The following SYNPR variants were observed in gnomAD, a reference collection of about 807,000 sequenced individuals.
SYNPR encodes synaptoporin.
Under a neutral mutation model 32.9 loss-of-function variants are expected in SYNPR, and 23 were observed. The ratio of observed to expected loss-of-function variants is 0.70; its 90% CI spans 0.50 to 0.99. The LOEUF is 0.99. SYNPR is among the 50% of genes least tolerant of loss of function. SYNPR has a pLI of 0.00. For missense variants in SYNPR, 318 were observed against 349.3 expected (o/e 0.91, Z 0.71); for synonymous variants, 146 against 135.9 (o/e 1.07, Z -0.52).
intron 2 of SYNPR, among the ~76,000 whole-genome samples, chr3:63,287,819 T>G (rs769020042): frequency 1.8e-4 from 27 of 152,148 alleles, no homozygotes; most frequent in Non-Finnish European, 3.7e-4. Flanking sequence ...GTAAGTCACA[T>G]AGGCACCGCT....
At chr3:63,419,001 C>T (rs2088575270) in intron 2 of SYNPR, among the ~76,000 whole-genome samples, 2 of 152,184 alleles carry the variant, frequency 1.3e-5, no homozygotes, top group African/African-American at 2.4e-5. Context: ...TAGAGGGCAA[C>T]ATTTATGTGA....
At chr3:63,201,616 G>A in the SYNPR span, among the ~76,000 whole-genome samples, 5 of 152,012 alleles carry the variant, frequency 3.3e-5, no homozygotes, top group Non-Finnish European at 5.9e-5. Context: ...GATACTTGAT[G>A]GAAGGGAAGG....
intron 2 of SYNPR, among the ~76,000 whole-genome samples, chr3:63,400,533 T>C (rs2088277117): frequency 6.6e-6 from 1 of 152,190 alleles, no homozygotes; most frequent in Non-Finnish European, 1.5e-5. Context: ...CCTCAAAACA[T>C]GGCAGCTGAT....
chr3:63,331,303 A>G (rs1385201138), intron 2 of SYNPR, among the ~76,000 whole-genome samples: 1 of 152,186 alleles, frequency 6.6e-6, no homozygotes, highest in Non-Finnish European at 1.5e-5. Flanking sequence ...TGGGACTATC[A>G]TTTCAGAATT....
Position 63,278,403 on chromosome 3 carries a change from C to A in SYNPR, c.-131C>A. On this transcript the variant is annotated 5_prime_UTR_variant, in exon 1 of 6. Coordinates refer to ENST00000478300, the MANE Select transcript of SYNPR (RefSeq NM_001130003.2). ...TGGGCTCCCCGAGGCCCCCTGCCCTCGCCGGGCTGCTCCAGGGTGTCGCTC... is the reference window on the plus strand; with the variant it reads ...TGGGCTCCCCGAGGCCCCCTGCCCTAGCCGGGCTGCTCCAGGGTGTCGCTC... 4 of 1,248,756 alleles carry A rather than the reference C, an allele frequency of 3.2e-6. No individual in the cohort carries two copies. The highest frequency in any genetic ancestry group is 3.3e-6 in the Non-Finnish European group (3 of 919,730). The allele number at this position is 1,248,756 out of a possible 1,614,324, so 77.4% of individuals were successfully genotyped here.
At position 63,608,595 on chromosome 3, in the gene SYNPR, CGAATGAAT is replaced by C. The variant is rs71099710; in HGVS notation, c.409-515_409-508del. ...CACATTGGTTTGTTAAGTGAACAAA[CGAATGAAT>C]GAATGAATGAATGAGTGAACATTGC... is the stretch of plus-strand genomic sequence containing the variant. On this transcript the variant is annotated intron_variant, in intron 4 of 5. Transcript: ENST00000478300. 4.6e-5 allele frequency among the ~76,000 whole-genome samples: 7 copies of C among 152,022 alleles called. No individual in the cohort carries two copies. In the East Asian group the frequency reaches 7.7e-4, roughly 17 times the overall value.
At chr3:63,544,834 C>A (rs1301367083) in intron 3 of SYNPR, among the ~76,000 whole-genome samples, 1 of 151,968 alleles carries the variant, frequency 6.6e-6, no homozygotes. Flanking sequence ...CATTCACGCA[C>A]CATGACAAGT....
At chr3:63,559,829 T>C (rs6765670) in intron 4 of SYNPR, among the ~76,000 whole-genome samples, 87,434 of 151,800 alleles carry the variant, frequency 0.58, 26,201 homozygotes, top group African/African-American at 0.75. Context: ...TAAGAGATTG[T>C]AATGCATATA....
At chr3:63,331,519 CCT>C (rs2087229329) in intron 2 of SYNPR, among the ~76,000 whole-genome samples, 2 of 152,038 alleles carry the variant, frequency 1.3e-5, no homozygotes, top group East Asian at 3.9e-4. Context: ...ATACCATAAC[CCT>C]CTCTTCTTAA....
At chr3:63,347,138 T>C (rs1419389040) in intron 2 of SYNPR, among the ~76,000 whole-genome samples, 1 of 152,214 alleles carries the variant, frequency 6.6e-6, no homozygotes, top group Non-Finnish European at 1.5e-5. Flanking sequence ...TTCACCTAGT[T>C]TATATCAATT....
Position 63,257,930 on chromosome 3 carries a change from T to TA in SYNPR, n.154+5350dup, listed in dbSNP as rs200322665. ...CAGGGGTTGCAATCCTAATCTCTGA[T>TA]AAAAAACATACTTTAAACCAACAAA... On this transcript the variant is annotated intron_variant and non_coding_transcript_variant, in intron 2 of 4. Coordinates refer to the SYNPR transcript ENST00000478456. 8.3e-3 allele frequency among the ~76,000 whole-genome samples: 1,261 copies of TA among 152,118 alleles called. 11 individuals are homozygous for TA. The highest frequency in any genetic ancestry group is 0.026 in the African/African-American group (1,089 of 41,482).
rs1364009824 is a variant in SYNPR at position 63,616,214 on chromosome 3, C to T, written c.*733C>T. 6.6e-6 allele frequency: 1 copy of T among 152,182 alleles called. No homozygotes were observed. The highest frequency in any genetic ancestry group is 1.5e-5 in the Non-Finnish European group (1 of 68,024). The allele number at this position is 152,182 out of a possible 1,614,324, so 9.4% of individuals were successfully genotyped here. A position where few individuals can be genotyped will look rare whatever the true frequency, so the allele number is the denominator to read the frequency against. ...GTTTTTCTTTTCCCCCATTAGTAAACATTTAGTGCTACATATGATAACTGC... is the reference window on the plus strand; with the variant it reads ...GTTTTTCTTTTCCCCCATTAGTAAATATTTAGTGCTACATATGATAACTGC... On this transcript the variant is annotated 3_prime_UTR_variant, in exon 6 of 6. Coordinates refer to ENST00000478300, the MANE Select transcript of SYNPR (RefSeq NM_001130003.2).
chr3:63,371,587 C>T (rs1485514058), intron 2 of SYNPR, among the ~76,000 whole-genome samples: 3 of 152,194 alleles, frequency 2.0e-5, no homozygotes, highest in Non-Finnish European at 4.4e-5. Flanking sequence ...GCCCTGCAGC[C>T]CTAATTGCTG....
Position 63,228,579 on chromosome 3 carries a change from G to A in SYNPR, n.66+199G>A, listed in dbSNP as rs573432943. ...CAGATAGTTTCTACCTTTCTCCTTA[G>A]CTGTATTCTTCTTCATTTATTTTCT... On this transcript the variant is annotated intron_variant and non_coding_transcript_variant, in intron 1 of 4. Coordinates refer to the SYNPR transcript ENST00000478456. 1.8e-3 allele frequency among the ~76,000 whole-genome samples: 276 copies of A among 152,000 alleles called. 1 individual carries two copies. The highest frequency in any genetic ancestry group is 6.3e-3 in the African/African-American group (261 of 41,456).
At chr3:63,277,405 A>G (rs2086587043), upstream of SYNPR, among the ~76,000 whole-genome samples, 1 of 152,176 alleles carries the variant, frequency 6.6e-6, no homozygotes, top group Non-Finnish European at 1.5e-5. Flanking sequence ...AACAACGTGA[A>G]CCACCTTTCA....
intron 4 of SYNPR, among the ~76,000 whole-genome samples, chr3:63,574,822 T>C (rs1702950206): frequency 6.6e-6 from 1 of 152,110 alleles, no homozygotes; most frequent in Admixed American, 6.6e-5. Context: ...GGGGTAGAGA[T>C]AGATAGATAA....
At chr3:63,377,740 T>C (rs1034290076) in intron 2 of SYNPR, among the ~76,000 whole-genome samples, 11 of 152,010 alleles carry the variant, frequency 7.2e-5, no homozygotes, top group African/African-American at 2.7e-4. Context: ...CACTGTAGAG[T>C]TATTCAGAAT....
chr3:63,408,570 T>A (rs749245197), intron 2 of SYNPR, among the ~76,000 whole-genome samples: 6 of 152,068 alleles, frequency 3.9e-5, no homozygotes, highest in Non-Finnish European at 4.4e-5. Flanking sequence ...CTGAGAAACT[T>A]GTGGCCTGCT....
At chr3:63,443,275 T>G in intron 2 of SYNPR, 2 of 1,444,110 alleles carry the variant, frequency 1.4e-6, no homozygotes, top group Non-Finnish European at 1.8e-6. Context: ...TGCTATCTGA[T>G]TGGTATAACA....
Sources: allele counts gnomAD v4.1 joint callset (sites outside exome capture counted in the v4.1 genomes callset), GRCh38; gene constraint gnomAD v4.1.1; transcripts MANE v1.5; gene names NCBI Gene and HGNC (gene_info 2026-07-23, HGNC 2026-07-21).